SH3BGRL: variants seen among roughly 807,000 people sequenced by gnomAD.
SH3BGRL encodes the protein adapter SH3BGRL.
A neutral mutation model predicts 9.8 loss-of-function variants in SH3BGRL; 7 were observed. That is an observed-to-expected ratio of 0.72 (90% confidence interval 0.41 to 1.35). SH3BGRL has a LOEUF of 1.35. Ranked by LOEUF, SH3BGRL falls within the 40% of genes most tolerant of loss-of-function variation. SH3BGRL has a pLI of 0.01. For missense variants in SH3BGRL, 73 were observed against 84.4 expected (o/e 0.86, Z 0.53); for synonymous variants, 36 against 29.1 (o/e 1.24, Z -0.76).
intron 1 of SH3BGRL, among the ~76,000 whole-genome samples, chrX:81,264,642 A>G (rs936079991): frequency 2.7e-5 from 3 of 110,511 alleles, no homozygotes; most frequent in Non-Finnish European, 3.8e-5. Flanking sequence ...AAATTCTGAG[A>G]CAAAGAAACT....
intron 3 of SH3BGRL, among the ~76,000 whole-genome samples, chrX:81,291,308 G>T (rs2075857364): frequency 9.0e-6 from 1 of 111,089 alleles, no homozygotes; most frequent in African/African-American, 3.3e-5. Flanking sequence ...GGAGGCCTCG[G>T]GAAACTTACA....
At chrX:81,279,630 TAGAG>T (rs751316877) in intron 3 of SH3BGRL, among the ~76,000 whole-genome samples, 8 of 111,021 alleles carry the variant, frequency 7.2e-5, no homozygotes, top group Non-Finnish European at 1.5e-4. Flanking sequence ...TGAGTCAAGT[TAGAG>T]AGCCCAGCGA....
intron 1 of SH3BGRL, among the ~76,000 whole-genome samples, chrX:81,219,261 T>C (rs1052598026): frequency 9.0e-6 from 1 of 110,553 alleles, no homozygotes; most frequent in African/African-American, 3.3e-5. Flanking sequence ...TATGTAGATT[T>C]ATATATGTAC....
chrX:81,257,059 C>T (rs1351570783), intron 1 of SH3BGRL, among the ~76,000 whole-genome samples: 1 of 103,389 alleles, frequency 9.7e-6, no homozygotes, highest in Non-Finnish European at 2.0e-5. Context: ...TTATTCTCTA[C>T]ATATTTATAG....
intron 1 of SH3BGRL, among the ~76,000 whole-genome samples, chrX:81,243,935 G>A (rs2075680021): frequency 9.0e-6 from 1 of 111,280 alleles, no homozygotes; most frequent in African/African-American, 3.3e-5. Context: ...TTGACTCAGA[G>A]TCCAGTATTA....
intron 1 of SH3BGRL, among the ~76,000 whole-genome samples, chrX:81,233,931 C>G (rs1195955238): frequency 9.0e-6 from 1 of 111,652 alleles, no homozygotes; most frequent in East Asian, 2.8e-4. Context: ...CAGTTGTTTG[C>G]TTTTATACTT....
intron 3 of SH3BGRL, among the ~76,000 whole-genome samples, chrX:81,284,380 T>C (rs2075827754): frequency 9.3e-6 from 1 of 108,101 alleles, no homozygotes; most frequent in Non-Finnish European, 1.9e-5. Flanking sequence ...AAGGAAAAGA[T>C]GGATTTAGGA....
At chrX:81,272,979 A>C (rs1281655807) in intron 1 of SH3BGRL, among the ~76,000 whole-genome samples, 1 of 112,057 alleles carries the variant, frequency 8.9e-6, no homozygotes, top group Non-Finnish European at 1.9e-5. Context: ...TGATTTATTT[A>C]TAGAGTTCGA....
intron 1 of SH3BGRL, among the ~76,000 whole-genome samples, chrX:81,235,180 G>A (rs1012593271): frequency 1.8e-5 from 2 of 110,293 alleles, no homozygotes; most frequent in African/African-American, 3.3e-5. Flanking sequence ...CTCAATAAAG[G>A]TAAAGCTAAC....
At chrX:81,206,207 C>G (rs960407720) in intron 1 of SH3BGRL, among the ~76,000 whole-genome samples, 2 of 110,717 alleles carry the variant, frequency 1.8e-5, no homozygotes, top group South Asian at 3.8e-4. Context: ...TGTGCAGAAG[C>G]TTTTTAGCTT....
intron 3 of SH3BGRL, among the ~76,000 whole-genome samples, chrX:81,280,131 C>G (rs1441751301): frequency 9.0e-6 from 1 of 110,538 alleles, no homozygotes. Flanking sequence ...ACTCCAGTGA[C>G]CTGGGAATCT....
intron 1 of SH3BGRL, among the ~76,000 whole-genome samples, chrX:81,228,666 G>A (rs1169139427): frequency 2.7e-5 from 3 of 111,757 alleles, no homozygotes; most frequent in African/African-American, 9.8e-5. Context: ...CTAGCCAAGA[G>A]GAGGGGTCCA....
At chrX:81,239,288 G>A (rs151123393) in intron 1 of SH3BGRL, among the ~76,000 whole-genome samples, 1,263 of 112,000 alleles carry the variant, frequency 0.011, 19 homozygotes, top group African/African-American at 0.038. Context: ...ATAACACAGA[G>A]AAGGAATTCA....
intron 1 of SH3BGRL, among the ~76,000 whole-genome samples, chrX:81,236,754 G>A (rs1280504826): frequency 9.0e-6 from 1 of 111,724 alleles, no homozygotes; most frequent in Non-Finnish European, 1.9e-5. Flanking sequence ...GGCAGTGTTT[G>A]GAATTAGCCA....
intron 3 of SH3BGRL, among the ~76,000 whole-genome samples, chrX:81,279,768 T>A (rs191560272): frequency 1.5e-4 from 17 of 110,645 alleles, no homozygotes; most frequent in African/African-American, 5.6e-4. Context: ...GGGTTAAAAC[T>A]CCACAGAAAG....
intron 3 of SH3BGRL, among the ~76,000 whole-genome samples, chrX:81,281,502 A>G (rs1041400956): frequency 2.7e-5 from 3 of 112,204 alleles, no homozygotes; most frequent in African/African-American, 9.7e-5. Flanking sequence ...AGAAGGGATT[A>G]AGGCCCTATC....
intron 1 of SH3BGRL, among the ~76,000 whole-genome samples, chrX:81,262,563 T>C (rs2075744467): frequency 9.0e-6 from 1 of 111,193 alleles, no homozygotes; most frequent in African/African-American, 3.3e-5. Flanking sequence ...GGCAAATAAG[T>C]GTACTGACAC....
intron 1 of SH3BGRL, among the ~76,000 whole-genome samples, chrX:81,233,501 A>G (rs1331622520): frequency 9.0e-6 from 1 of 111,713 alleles, no homozygotes; most frequent in East Asian, 2.8e-4. Context: ...ACCTTGCCCA[A>G]GGTTATATAG....
intron 1 of SH3BGRL, among the ~76,000 whole-genome samples, chrX:81,231,635 G>A (rs1464819078): frequency 8.9e-6 from 1 of 111,994 alleles, no homozygotes; most frequent in Non-Finnish European, 1.9e-5. Context: ...CTAACCAATA[G>A]CTATTATCAA....
Sources: allele counts gnomAD v4.1 joint callset (sites outside exome capture counted in the v4.1 genomes callset), GRCh38; gene constraint gnomAD v4.1.1; transcripts MANE v1.5; gene names NCBI Gene and HGNC (gene_info 2026-07-23, HGNC 2026-07-21).